Variants in OPRM1 observed in about 807,000 individuals in gnomAD.
OPRM1 encodes the protein mu-type opioid receptor.
Under a neutral mutation model 31.8 loss-of-function variants are expected in OPRM1, and 27 were observed. The ratio of observed to expected loss-of-function variants is 0.85; its 90% CI spans 0.63 to 1.17. The LOEUF (loss-of-function observed/expected upper bound fraction) is 1.17, where lower values mean the gene tolerates loss of function less well. Among genes scored for constraint, OPRM1 ranks in the 50% most tolerant of loss-of-function variants. The pLI, the probability that OPRM1 is intolerant of heterozygous loss-of-function variation, is 0.00. For missense variants in OPRM1, 536 were observed against 511.1 expected (o/e 1.05, Z -0.47); for synonymous variants, 196 against 189.9 (o/e 1.03, Z -0.26).
At chr6:154,059,584 T>TAA (rs11373406) in intron 1 of OPRM1, among the ~76,000 whole-genome samples, 4 of 149,386 alleles carry the variant, frequency 2.7e-5, no homozygotes, top group African/African-American at 4.9e-5. Context: ...TTTTTACACT[T>TAA]AAAAAAAAAA....
chr6:154,105,642 T>C (rs1029859043), intron 3 of OPRM1, among the ~76,000 whole-genome samples: 1 of 152,234 alleles, frequency 6.6e-6, no homozygotes, highest in Non-Finnish European at 1.5e-5. Flanking sequence ...ATTTGCTTAC[T>C]TCTGTGGCAC....
At chr6:154,033,516 G>A (rs1779121378) in intron 1 of OPRM1, among the ~76,000 whole-genome samples, 1 of 152,184 alleles carries the variant, frequency 6.6e-6, no homozygotes, top group Admixed American at 6.5e-5. Context: ...GACCCTTGGA[G>A]CATGAAGTTC....
At chr6:154,221,996 A>C (rs1027055228) in intron 3 of OPRM1, among the ~76,000 whole-genome samples, 2 of 152,250 alleles carry the variant, frequency 1.3e-5, no homozygotes, top group Admixed American at 1.3e-4. Context: ...TAACACTTCA[A>C]AATATTCAGA....
At chr6:154,031,404 A>G (rs999233046) in intron 1 of OPRM1, among the ~76,000 whole-genome samples, 1 of 152,192 alleles carries the variant, frequency 6.6e-6, no homozygotes, top group Non-Finnish European at 1.5e-5. Flanking sequence ...CTGCCAGTCT[A>G]TAATGTCAAC....
intron 1 of OPRM1, among the ~76,000 whole-genome samples, chr6:154,027,154 A>G (rs1417957431): frequency 2.0e-5 from 3 of 152,194 alleles, no homozygotes; most frequent in Non-Finnish European, 2.9e-5. Context: ...TCTAAGATGT[A>G]TCTGCTTTAG....
At chr6:154,185,859 G>C (rs1220491322) in intron 3 of OPRM1, among the ~76,000 whole-genome samples, 1 of 152,230 alleles carries the variant, frequency 6.6e-6, no homozygotes, top group Non-Finnish European at 1.5e-5. Flanking sequence ...GCTGTCCTGA[G>C]CCACAAGTTG....
At chr6:154,015,370 TG>T (rs1777946738) in intron 1 of OPRM1, among the ~76,000 whole-genome samples, 1 of 152,044 alleles carries the variant, frequency 6.6e-6, no homozygotes, top group Non-Finnish European at 1.5e-5. Context: ...ATAGAAAATA[TG>T]GGATACAATA....
intron 1 of OPRM1, among the ~76,000 whole-genome samples, chr6:154,023,034 G>A (rs1008778832): frequency 6.6e-6 from 1 of 152,096 alleles, no homozygotes; most frequent in East Asian, 1.9e-4. Flanking sequence ...GCTATTCTGG[G>A]TCTTCTGTGG....
intron 1 of OPRM1, among the ~76,000 whole-genome samples, chr6:154,067,915 A>G (rs1785800720): frequency 6.6e-6 from 1 of 152,148 alleles, no homozygotes; most frequent in Non-Finnish European, 1.5e-5. Context: ...TTTATTTACA[A>G]AAAGTTAAAT....
At chr6:154,141,610 T>C (rs1198030891) in intron 3 of OPRM1, among the ~76,000 whole-genome samples, 2 of 152,228 alleles carry the variant, frequency 1.3e-5, no homozygotes, top group African/African-American at 4.8e-5. Context: ...TTTGGTTTTA[T>C]ACATTTTTGG....
At chr6:154,071,196 A>G (rs367940034) in intron 1 of OPRM1, among the ~76,000 whole-genome samples, 6 of 152,218 alleles carry the variant, frequency 3.9e-5, no homozygotes, top group African/African-American at 1.4e-4. Context: ...CTAAAGGCAC[A>G]GTGTGTAGTC....
intron 3 of OPRM1, among the ~76,000 whole-genome samples, chr6:154,150,032 C>T (rs1259456810): frequency 4.6e-5 from 7 of 152,220 alleles, no homozygotes; most frequent in Non-Finnish European, 1.0e-4. Context: ...AGATTATCTG[C>T]TAGTGGGTTT....
intron 2 of OPRM1, 87 bp downstream of exon 2, chr6:154,090,265 C>T (rs995681948): frequency 7.2e-6 from 6 of 835,244 alleles, no homozygotes; most frequent in African/African-American, 3.4e-5. Context: ...TTATGGAGTG[C>T]CCCATTGTCT....
downstream of OPRM1, among the ~76,000 whole-genome samples, chr6:154,134,726 C>A (rs892169799): frequency 1.3e-5 from 2 of 152,162 alleles, no homozygotes; most frequent in Non-Finnish European, 2.9e-5. Context: ...GGCCAACCTG[C>A]AAATTGCAGA....
rs41292890 is a variant in OPRM1 at position 154,039,520 on chromosome 6, C to T, written c.-25C>T. Reference sequence around the variant, plus strand: ...CGGTGCTCCTGGCTACCTCGCACAGCGGTGCCCGCCCGGCCGTCAGTACCA... The same window carrying T: ...CGGTGCTCCTGGCTACCTCGCACAGTGGTGCCCGCCCGGCCGTCAGTACCA... On this transcript the variant is annotated 5_prime_UTR_variant, in exon 1 of 4. Coordinates refer to ENST00000330432, the MANE Select transcript of OPRM1 (RefSeq NM_000914.5). 5,858 of 1,594,948 alleles carry T rather than the reference C, an allele frequency of 3.7e-3. 13 individuals carry two copies. The highest frequency in any genetic ancestry group is 9.3e-3 in the Middle Eastern group (56 of 6,048).
At chr6:154,209,600 C>T (rs1301684458) in intron 3 of OPRM1, among the ~76,000 whole-genome samples, 4 of 149,072 alleles carry the variant, frequency 2.7e-5, no homozygotes, top group Admixed American at 6.7e-5. Flanking sequence ...GTTGTGATCA[C>T]GCCACTGCAC....
chr6:154,015,782 A>G (rs1217168100), intron 1 of OPRM1, among the ~76,000 whole-genome samples: 1 of 152,096 alleles, frequency 6.6e-6, no homozygotes, highest in Non-Finnish European at 1.5e-5. Context: ...AAATAAAGAA[A>G]AAACAGACCC....
rs887586400 is a variant in OPRM1, at chr6:154,122,989, G to T, written c.*4268G>T. Among the ~76,000 whole-genome samples, 1 of 152,134 alleles carries T rather than the reference G, an allele frequency of 6.6e-6. No homozygotes were observed. Among genetic ancestry groups the T allele is most frequent in the African/African-American group, 2.4e-5 (1 of 41,436 alleles). ...GTCTCACAACCAAGAAAATTAAGGA[G>T]CATGGACACAAAGGGTGAGGTTGGA... On this transcript the variant is annotated 3_prime_UTR_variant, in exon 4 of 4. Coordinates refer to ENST00000330432, the MANE Select transcript of OPRM1 (RefSeq NM_000914.5).
intron 1 of OPRM1, among the ~76,000 whole-genome samples, chr6:154,075,452 CTT>C (rs113939480): frequency 0.096 from 13,421 of 139,692 alleles, 1,010 homozygotes; most frequent in African/African-American, 0.22. Flanking sequence ...AAAATAAGCA[CTT>C]TTTTTTTTTT....
Sources: allele counts gnomAD v4.1 joint callset (sites outside exome capture counted in the v4.1 genomes callset), GRCh38; gene constraint gnomAD v4.1.1; transcripts MANE v1.5; gene names NCBI Gene and HGNC (gene_info 2026-07-23, HGNC 2026-07-21).